The following RTN1 variants were observed in gnomAD, a reference collection of about 807,000 sequenced individuals.
RTN1 encodes reticulon-1.
In RTN1, 25 loss-of-function variants were observed where a neutral mutation model predicts 65.5. That is an observed-to-expected ratio of 0.38 (90% CI 0.28 to 0.53). The LOEUF (loss-of-function observed/expected upper bound fraction) is 0.53, where lower values mean the gene tolerates loss of function less well. RTN1 is among the 20% of genes least tolerant of loss of function. RTN1 has a pLI of 0.79. For missense variants in RTN1, 983 were observed against 1,025.4 expected, an observed-to-expected ratio of 0.96 and a Z score of 0.57; for synonymous variants, 471 against 447.6, an observed-to-expected ratio of 1.05 and a Z score of -0.66.
intron 3 of RTN1, among the ~76,000 whole-genome samples, chr14:59,660,533 A>G (rs543407776): frequency 2.0e-5 from 3 of 152,322 alleles, no homozygotes; most frequent in Non-Finnish European, 2.9e-5. Flanking sequence ...AAATCATAAC[A>G]AACAGTCTCT....
chr14:59,761,571 A>G (rs1309334472), intron 1 of RTN1, among the ~76,000 whole-genome samples: 3 of 152,224 alleles, frequency 2.0e-5, no homozygotes, highest in African/African-American at 7.2e-5. Context: ...GCCAGAGAAC[A>G]GACTAATACA....
At chr14:59,867,734 A>T (rs753755058) in intron 1 of RTN1, among the ~76,000 whole-genome samples, 1 of 152,218 alleles carries the variant, frequency 6.6e-6, no homozygotes, top group Non-Finnish European at 1.5e-5. Flanking sequence ...TCTGTCTTAT[A>T]TTTCCATCTA....
In RTN1 at chr14:59,868,037, T is replaced by C. The variant is rs1010340897; in HGVS notation, c.241+2353A>G. On this transcript the variant is annotated intron_variant, in intron 1 of 8. Coordinates refer to ENST00000267484, the MANE Select transcript of RTN1 (RefSeq NM_021136.3). The surrounding 1 kb of genome is among the most constrained non-coding windows in gnomAD (Gnocchi z 4.0). ...ATACAGTGTAAAGTAGTGTGCTTAA[T>C]AGGCATCTCTGATACAATTGAGGGC... Among the ~76,000 whole-genome samples the C allele has an allele frequency of 5.3e-5, 8 of 152,226 alleles. No individual in the cohort carries two copies. Among genetic ancestry groups the C allele is most frequent in the African/African-American group, 1.9e-4 (8 of 41,454 alleles).
intron 3 of RTN1, among the ~76,000 whole-genome samples, chr14:59,702,860 C>T (rs2139449356): frequency 6.6e-6 from 1 of 152,328 alleles, no homozygotes; most frequent in East Asian, 1.9e-4. Context: ...GTCTGCCTCC[C>T]CTTGCTTTGC....
At chr14:59,771,863 A>G (rs908340219) in intron 1 of RTN1, among the ~76,000 whole-genome samples, 4 of 152,208 alleles carry the variant, frequency 2.6e-5, no homozygotes, top group Admixed American at 6.5e-5. Flanking sequence ...GATTCATGCC[A>G]TTTTGCATTG....
At position 59,670,891 on chromosome 14, in the gene RTN1, GA is replaced by G. The variant is rs550104883; in HGVS notation, c.1765+56027del. Reference sequence around the variant, plus strand: ...GCAACATGGTTATTAACACATCTTTGAAAGCAATTCCCATTAAAATATGAGT... The same window carrying G: ...GCAACATGGTTATTAACACATCTTTGAAGCAATTCCCATTAAAATATGAGT... On this transcript the variant is annotated intron_variant, in intron 3 of 8. Coordinates refer to ENST00000267484, the MANE Select transcript of RTN1 (RefSeq NM_021136.3). Among the ~76,000 whole-genome samples the G allele has an allele frequency of 6.7e-3, 1,020 of 151,736 alleles. 35 individuals are homozygous for G. Among genetic ancestry groups the G allele is most frequent in the Admixed American group, 0.057 (873 of 15,230 alleles).
chr14:59,835,007 T>C (rs1887189858), intron 1 of RTN1, among the ~76,000 whole-genome samples: 1 of 152,184 alleles, frequency 6.6e-6, no homozygotes, highest in African/African-American at 2.4e-5. Flanking sequence ...CAAGTATTAA[T>C]CCAAGAAAAT....
rs1427727185 is a variant in RTN1, at chr14:59,803,105, T to C, written c.242-56624A>G. 6.6e-6 allele frequency among the ~76,000 whole-genome samples: 1 copy of C among 152,168 alleles called. No homozygotes were observed. Among genetic ancestry groups the C allele is most frequent in the African/African-American group, 2.4e-5 (1 of 41,446 alleles). ...GCACACAGGCCATGCAGAAAACCGC[T>C]GTCTATCTAAATGAAATCAAAAGGA... On this transcript the variant is annotated intron_variant, in intron 1 of 8. Transcript: ENST00000267484. This position sits in a 1 kb window ranked among gnomAD's most constrained non-coding sequence, Gnocchi z 5.6.
chr14:59,608,165 T>A (rs1024621600), intron 3 of RTN1, among the ~76,000 whole-genome samples: 1 of 152,098 alleles, frequency 6.6e-6, no homozygotes, highest in Non-Finnish European at 1.5e-5. Flanking sequence ...TAAAAAAAAA[T>A]AGCATAAAAC....
chr14:59,628,502 A>C (rs144695665), intron 3 of RTN1, among the ~76,000 whole-genome samples: 1 of 152,326 alleles, frequency 6.6e-6, no homozygotes, highest in African/African-American at 2.4e-5. Context: ...ACTCCTTACA[A>C]TTTCTCTTTT....
intron 1 of RTN1, among the ~76,000 whole-genome samples, chr14:59,759,167 G>C (rs1361893472): frequency 6.6e-6 from 1 of 152,186 alleles, no homozygotes; most frequent in Non-Finnish European, 1.5e-5. Flanking sequence ...AGTTTCTTTA[G>C]GTCATCTAAT....
At chr14:59,832,809 C>T (rs546291354) in intron 1 of RTN1, among the ~76,000 whole-genome samples, 3 of 152,214 alleles carry the variant, frequency 2.0e-5, no homozygotes, top group African/African-American at 4.8e-5. Flanking sequence ...GAAGGCTCTA[C>T]AGTGACCTCT....
In RTN1 at chr14:59,703,939, C is replaced by T. The variant is rs551264747; in HGVS notation, c.1765+22980G>A. On this transcript the variant is annotated intron_variant, in intron 3 of 8. Coordinates refer to ENST00000267484, the MANE Select transcript of RTN1 (RefSeq NM_021136.3). Reference sequence around the variant, plus strand: ...GGCCTACTCATCAGCAATGTGATTCCACAGTTTGAAGCTCCTGGAAAAACA... The same window carrying T: ...GGCCTACTCATCAGCAATGTGATTCTACAGTTTGAAGCTCCTGGAAAAACA... Among the ~76,000 whole-genome samples the T allele has an allele frequency of 5.3e-5, 8 of 152,252 alleles. 1 individual carries two copies. The highest frequency in any genetic ancestry group is 1.5e-5 in the Non-Finnish European group (1 of 68,026).
Position 59,854,981 on chromosome 14 carries a change from G to T in RTN1, c.241+15409C>A, listed in dbSNP as rs185717691. Among the ~76,000 whole-genome samples the T allele has an allele frequency of 2.5e-3, 384 of 152,328 alleles. 1 individual carries two copies. The highest frequency in any genetic ancestry group is 6.8e-3 in the Middle Eastern group (2 of 294). ...GCATATAAGTACAGATCAGAAATCA[G>T]TAAGTACTGTAAATGTGGAAAACAT... On this transcript the variant is annotated intron_variant, in intron 1 of 8. Transcript: ENST00000267484.
chr14:59,653,905 A>C (rs950747100), intron 3 of RTN1, among the ~76,000 whole-genome samples: 4 of 152,032 alleles, frequency 2.6e-5, no homozygotes, highest in African/African-American at 9.7e-5. Flanking sequence ...TTATTTATTT[A>C]TTTATTTATT....
In RTN1 at chr14:59,822,473, C is replaced by T. The variant is rs998864392; in HGVS notation, c.241+47917G>A. Among the ~76,000 whole-genome samples the T allele has an allele frequency of 1.2e-4, 18 of 152,206 alleles. 1 individual carries two copies. The highest frequency in any genetic ancestry group is 8.5e-4 in the Admixed American group (13 of 15,284). On this transcript the variant is annotated intron_variant, in intron 1 of 8. Coordinates refer to ENST00000267484, the MANE Select transcript of RTN1 (RefSeq NM_021136.3). ...TTCAAAGAACAAACATGTAGTTTCA[C>T]TGTTCTTTTATATGGATTTTCACAT...
chr14:59,780,950 A>G (rs1285284364), intron 1 of RTN1, among the ~76,000 whole-genome samples: 1 of 152,216 alleles, frequency 6.6e-6, no homozygotes, highest in Admixed American at 6.5e-5. Context: ...CTCTCCCTAC[A>G]GTACTATCAC....
chr14:59,719,689 G>A (rs1884607673), intron 3 of RTN1, among the ~76,000 whole-genome samples: 1 of 152,220 alleles, frequency 6.6e-6, no homozygotes, highest in Non-Finnish European at 1.5e-5. Flanking sequence ...ATAGAATCTA[G>A]AAGTGCAGAA....
At position 59,766,136 on chromosome 14, in the gene RTN1, A is replaced by C. The variant is rs1885845050; in HGVS notation, c.242-19655T>G. Among the ~76,000 whole-genome samples the C allele has an allele frequency of 6.6e-6, 1 of 152,098 alleles. No individual in the cohort carries two copies. Among genetic ancestry groups the C allele is most frequent in the African/African-American group, 2.4e-5 (1 of 41,430 alleles). ...TCCCAGCTACTTGGGAGGCTGAGGC[A>C]GGACTATTGCTTGAACCCGGGAGGC... On this transcript the variant is annotated intron_variant, in intron 1 of 8. Coordinates refer to ENST00000267484, the MANE Select transcript of RTN1 (RefSeq NM_021136.3). This position sits in a 1 kb window ranked among gnomAD's most constrained non-coding sequence, Gnocchi z 4.4.
Sources: allele counts gnomAD v4.1 joint callset (sites outside exome capture counted in the v4.1 genomes callset), GRCh38; gene constraint gnomAD v4.1.1; non-coding constraint Gnocchi (gnomAD v3.1); transcripts MANE v1.5; gene names NCBI Gene and HGNC (gene_info 2026-07-23, HGNC 2026-07-21).